EFCAB8: variants seen among roughly 807,000 people sequenced by gnomAD.
EFCAB8 encodes the protein EF-hand calcium-binding domain-containing protein 8.
EFCAB8 carries 100 observed loss-of-function variants against 116.3 expected under a neutral mutation model. That is an observed-to-expected ratio of 0.86 (90% confidence interval 0.73 to 1.02). The LOEUF is 1.02. EFCAB8 is among the 50% of genes least tolerant of loss of function. EFCAB8 has a pLI of 0.00. For synonymous variants in EFCAB8, 558 were observed against 567.9 expected, an observed-to-expected ratio of 0.98 and a Z score of 0.25; for missense variants, 1,320 against 1,416.9, an observed-to-expected ratio of 0.93 and a Z score of 1.10.
chr20:32,876,064 T>G lies in EFCAB8; in HGVS notation c.327+20T>G, dbSNP rs1174947394. 6.5e-7 allele frequency: 1 copy of G among 1,544,462 alleles called. No homozygotes were observed. The highest frequency in any genetic ancestry group is 2.0e-5 in the Admixed American group (1 of 50,990). On this transcript the variant is annotated intron_variant, in intron 4 of 26. Coordinates refer to ENST00000400522, the MANE Select transcript of EFCAB8 (RefSeq NM_001143967.2). ...ACCTGGGTGAGGAGGGTGCCCCTGCTTCCTCAGGTGCTGGAGGGAGGCTGG... is the reference window on the plus strand; with the variant it reads ...ACCTGGGTGAGGAGGGTGCCCCTGCGTCCTCAGGTGCTGGAGGGAGGCTGG...
chr20:32,876,121 G>A, intron 4 of EFCAB8, 77 bp downstream of exon 4: 1 of 1,238,090 alleles, frequency 8.1e-7, no homozygotes, highest in Admixed American at 2.1e-5. Flanking sequence ...TGGTGGGGCT[G>A]AAGATGGGAG....
At chr20:32,862,517 G>A (rs1984165548) in intron 1 of EFCAB8, among the ~76,000 whole-genome samples, 2 of 152,234 alleles carry the variant, frequency 1.3e-5, no homozygotes, top group Admixed American at 1.3e-4. Flanking sequence ...CTTCCCTTAG[G>A]CTGTCCTCTC....
chr20:32,942,709 C>T (rs572700564), intron 22 of EFCAB8, among the ~76,000 whole-genome samples: 25 of 152,130 alleles, frequency 1.6e-4, no homozygotes, highest in Admixed American at 1.3e-3. Context: ...GCCTGTTTAT[C>T]ACTTTCTTAG....
At chr20:32,942,945 T>C (rs1174177754) in intron 22 of EFCAB8, among the ~76,000 whole-genome samples, 1 of 152,204 alleles carries the variant, frequency 6.6e-6, no homozygotes, top group East Asian at 1.9e-4. Context: ...TTCTGAGCTT[T>C]CTATTGTCTT....
chr20:32,896,635 C>T (rs1353194243), intron 10 of EFCAB8, 108 bp downstream of exon 10: 1 of 658,666 alleles, frequency 1.5e-6, no homozygotes, highest in African/African-American at 1.8e-5. Flanking sequence ...AGTCTTAGCC[C>T]TTGGGGTTTG....
chr20:32,861,518 A>T (rs1018718588), intron 1 of EFCAB8, among the ~76,000 whole-genome samples: 2 of 152,260 alleles, frequency 1.3e-5, no homozygotes, highest in South Asian at 4.2e-4. Context: ...TGAACTCCTG[A>T]CATCAGGTGA....
At chr20:32,866,090 C>T (rs1184147315) in intron 2 of EFCAB8, among the ~76,000 whole-genome samples, 1 of 152,110 alleles carries the variant, frequency 6.6e-6, no homozygotes, top group African/African-American at 2.4e-5. Flanking sequence ...CCTTCACGTG[C>T]TCCTCTGTTG....
intron 1 of EFCAB8, among the ~76,000 whole-genome samples, chr20:32,859,805 T>C (rs1027865629): frequency 6.6e-6 from 1 of 152,216 alleles, no homozygotes; most frequent in Non-Finnish European, 1.5e-5. Flanking sequence ...AATACAGTTA[T>C]CAAAAGCAGA....
At chr20:32,932,928 A>G (rs1251489096) in intron 22 of EFCAB8, among the ~76,000 whole-genome samples, 1 of 152,196 alleles carries the variant, frequency 6.6e-6, no homozygotes, top group African/African-American at 2.4e-5. Context: ...AGAGAATGTC[A>G]TTATATTAAA....
chr20:32,928,059 A>G (rs1397068957), intron 20 of EFCAB8, among the ~76,000 whole-genome samples: 2 of 152,062 alleles, frequency 1.3e-5, no homozygotes, highest in African/African-American at 4.8e-5. Flanking sequence ...ATTCTACCTC[A>G]TGCAAGTGGA....
chr20:32,930,931 C>A (rs992079740), intron 21 of EFCAB8, among the ~76,000 whole-genome samples: 1 of 152,202 alleles, frequency 6.6e-6, no homozygotes. Flanking sequence ...TGCCTTGTGG[C>A]AAGACATGAG....
intron 11 of EFCAB8, among the ~76,000 whole-genome samples, chr20:32,904,268 C>T (rs925855475): frequency 6.7e-6 from 1 of 149,908 alleles, no homozygotes; most frequent in African/African-American, 2.5e-5. Context: ...GCTGGGATTA[C>T]AGGCGTGAGC....
At chr20:32,879,296 G>A (rs1486256568) in intron 5 of EFCAB8, among the ~76,000 whole-genome samples, 1 of 152,158 alleles carries the variant, frequency 6.6e-6, no homozygotes, top group East Asian at 1.9e-4. Context: ...AGGCCTCAGA[G>A]TGGCTGGCCC....
chr20:32,875,657 A>T (rs1050852724), intron 3 of EFCAB8, among the ~76,000 whole-genome samples: 1 of 151,632 alleles, frequency 6.6e-6, no homozygotes, highest in Non-Finnish European at 1.5e-5. Context: ...GGTACCCACC[A>T]CTGTGCCCAG....
intron 6 of EFCAB8, among the ~76,000 whole-genome samples, chr20:32,886,365 T>C (rs571159997): frequency 6.6e-6 from 1 of 152,292 alleles, no homozygotes; most frequent in South Asian, 2.1e-4. Context: ...GAGAACCCAC[T>C]GTGTACTTGG....
intron 22 of EFCAB8, among the ~76,000 whole-genome samples, chr20:32,932,259 C>T (rs1449347011): frequency 6.6e-6 from 1 of 152,118 alleles, no homozygotes; most frequent in African/African-American, 2.4e-5. Context: ...CGCCTGTAAT[C>T]CCAGCTACTT....
chr20:32,951,237 C>T (rs1988788969), intron 23 of EFCAB8, among the ~76,000 whole-genome samples: 1 of 152,170 alleles, frequency 6.6e-6, no homozygotes, highest in African/African-American at 2.4e-5. Context: ...CATAAATGTT[C>T]ACAGCAGTAT....
chr20:32,903,785 A>C (rs557025470), intron 11 of EFCAB8: 23 of 152,612 alleles, frequency 1.5e-4, no homozygotes, highest in African/African-American at 5.5e-4. Context: ...TGATACGGCA[A>C]AGTCAGGGGC....
intron 3 of EFCAB8, among the ~76,000 whole-genome samples, chr20:32,874,006 C>T (rs915463417): frequency 6.6e-6 from 1 of 151,468 alleles, no homozygotes; most frequent in Non-Finnish European, 1.5e-5. Context: ...CTGCAACCTC[C>T]GCCTCTCAGG....
Sources: gnomAD v4.1 joint callset for allele counts (sites outside exome capture counted in the v4.1 genomes callset) on GRCh38, gnomAD v4.1.1 for gene constraint, MANE v1.5 for transcripts, NCBI Gene and HGNC (gene_info 2026-07-23, HGNC 2026-07-21) for gene names.